CDK6: variants seen among roughly 807,000 people sequenced by gnomAD.
CDK6 encodes cyclin-dependent kinase 6.
In CDK6, 6 loss-of-function variants were observed where a neutral mutation model predicts 37.1. That is an observed-to-expected ratio of 0.16 (90% CI 0.09 to 0.32). The LOEUF (loss-of-function observed/expected upper bound fraction) is 0.32, where lower values mean the gene tolerates loss of function less well. Among genes scored for constraint, CDK6 ranks in the 10% least tolerant of loss-of-function variants. The pLI, the probability that CDK6 is intolerant of heterozygous loss-of-function variation, is 1.00. For synonymous variants in CDK6, 160 were observed against 161.3 expected (o/e 0.99, Z 0.06); for missense variants, 224 against 418.9 (o/e 0.53, Z 4.06).
rs116302730 is a variant in CDK6, at chr7:92,684,071, G to A, written c.538-12536C>T. Among the ~76,000 whole-genome samples, 486 of 152,294 alleles carry A rather than the reference G, an allele frequency of 3.2e-3. 1 individual carries two copies. The highest frequency in any genetic ancestry group is 0.011 in the African/African-American group (458 of 41,558). ...AAGCACAGAAGATGTAATGTACTGC[G>A]CTGAATTAACTTTATCTGTTGTCTT... On this transcript the variant is annotated intron_variant, in intron 4 of 7. Coordinates refer to ENST00000424848, the MANE Select transcript of CDK6 (RefSeq NM_001145306.2).
chr7:92,693,909 G>A (rs1797650458), intron 4 of CDK6, among the ~76,000 whole-genome samples: 1 of 152,184 alleles, frequency 6.6e-6, no homozygotes, highest in Admixed American at 6.5e-5. Context: ...CAGTTACCAG[G>A]TACCCTTGGG....
chr7:92,691,778 A>G (rs1234512889), intron 4 of CDK6, among the ~76,000 whole-genome samples: 2 of 152,206 alleles, frequency 1.3e-5, no homozygotes, highest in Admixed American at 6.5e-5. Flanking sequence ...CTTCAGATGT[A>G]AAGAATGCCT....
intron 3 of CDK6, among the ~76,000 whole-genome samples, chr7:92,770,207 T>C (rs1799676548): frequency 6.6e-6 from 1 of 152,006 alleles, no homozygotes; most frequent in East Asian, 1.9e-4. Flanking sequence ...GGCTGCTTTA[T>C]GCAAATGTCA....
chr7:92,630,924 T>C (rs1796036767), intron 5 of CDK6, among the ~76,000 whole-genome samples: 1 of 152,160 alleles, frequency 6.6e-6, no homozygotes, highest in South Asian at 2.1e-4. Flanking sequence ...ACTGATTAAT[T>C]AGTGAGGCTC....
At chr7:92,789,269 G>C (rs1166931138) in intron 2 of CDK6, among the ~76,000 whole-genome samples, 1 of 152,168 alleles carries the variant, frequency 6.6e-6, no homozygotes, top group Non-Finnish European at 1.5e-5. Flanking sequence ...TTTGCCAATA[G>C]ATCTGCCCTA....
At chr7:92,722,184 CATAG>C (rs1252592343) in intron 4 of CDK6, among the ~76,000 whole-genome samples, 7 of 151,932 alleles carry the variant, frequency 4.6e-5, no homozygotes, top group Admixed American at 4.6e-4. Flanking sequence ...TATATATTAA[CATAG>C]ATAGTAAAAG....
intron 4 of CDK6, among the ~76,000 whole-genome samples, chr7:92,687,866 C>T (rs1797499031): frequency 6.6e-6 from 1 of 152,112 alleles, no homozygotes; most frequent in Non-Finnish European, 1.5e-5. Context: ...TGTTGCTGCT[C>T]CTTGAATTTC....
chr7:92,643,537 T>C lies in CDK6; in HGVS notation c.648-20451A>G, dbSNP rs1796367017. Among the ~76,000 whole-genome samples the C allele has an allele frequency of 5.9e-5, 9 of 152,302 alleles. No homozygotes were observed. The South Asian group carries it at 1.9e-3, about 32-fold the overall frequency. On this transcript the variant is annotated intron_variant, in intron 5 of 7. Coordinates refer to ENST00000424848, the MANE Select transcript of CDK6 (RefSeq NM_001145306.2). ...TTATGAAGAAAATAAGATATGCTGG[T>C]GGAGAATAATAGAAAAAGCCTCTTT... is the stretch of plus-strand genomic sequence containing the variant.
chr7:92,651,335 T>G (rs928488771), intron 5 of CDK6, among the ~76,000 whole-genome samples: 7 of 152,070 alleles, frequency 4.6e-5, no homozygotes, highest in African/African-American at 1.7e-4. Context: ...GTGTTTAGGG[T>G]GTAGATATAT....
chr7:92,618,173 T>G lies in CDK6; in HGVS notation c.733A>C (p.Arg245=), dbSNP rs578237648. Reference sequence around the variant, plus strand: ...GCCTGCCTGGGAAGGGCAACATCTCTAGGCCAGTCTTCTTCTCCTGGGAGT... The same window carrying G: ...GCCTGCCTGGGAAGGGCAACATCTCGAGGCCAGTCTTCTTCTCCTGGGAGT... ...IGLPGEEDWP[R]DVALPRQAFH... Residue 245 remains arginine (R), a synonymous_variant, in exon 7 of 8, where the codon AGA becomes CGA. Coordinates refer to ENST00000424848, the MANE Select transcript of CDK6 (RefSeq NM_001145306.2). 8 of 1,613,976 alleles carry G rather than the reference T, an allele frequency of 5.0e-6. No homozygotes were observed. The highest frequency in any genetic ancestry group is 4.2e-6 in the Non-Finnish European group (5 of 1,179,928).
At chr7:92,755,938 T>A (rs1254909718) in intron 3 of CDK6, among the ~76,000 whole-genome samples, 1 of 152,090 alleles carries the variant, frequency 6.6e-6, no homozygotes, top group Non-Finnish European at 1.5e-5. Context: ...CAAGTGCACA[T>A]ACAAACACAC....
At chr7:92,739,530 T>C (rs1036697908) in intron 3 of CDK6, among the ~76,000 whole-genome samples, 5 of 152,232 alleles carry the variant, frequency 3.3e-5, no homozygotes, top group Non-Finnish European at 7.3e-5. Context: ...TGACAGACAT[T>C]TTAGATTCTT....
chr7:92,672,188 C>CACACAG (rs1797097034), intron 4 of CDK6, among the ~76,000 whole-genome samples: 1 of 96,788 alleles, frequency 1.0e-5, no homozygotes, highest in Non-Finnish European at 2.0e-5. Context: ...CACACAGACA[C>CACACAG]ATACACACAC....
At chr7:92,765,364 T>C (rs1799554673) in intron 3 of CDK6, among the ~76,000 whole-genome samples, 2 of 152,178 alleles carry the variant, frequency 1.3e-5, no homozygotes, top group African/African-American at 2.4e-5. Flanking sequence ...ATATATCTTA[T>C]AGTTTTGGTA....
At chr7:92,763,100 T>C (rs1799497337) in intron 3 of CDK6, among the ~76,000 whole-genome samples, 1 of 152,166 alleles carries the variant, frequency 6.6e-6, no homozygotes, top group African/African-American at 2.4e-5. Flanking sequence ...AATTAACAAG[T>C]ATGGCCAGTG....
intron 3 of CDK6, among the ~76,000 whole-genome samples, chr7:92,772,761 C>T (rs1214209814): frequency 2.6e-5 from 4 of 152,058 alleles, no homozygotes; most frequent in Admixed American, 2.0e-4. Context: ...ATTTCTACTC[C>T]TGCCTGATCA....
At chr7:92,768,534 A>C (rs1250444798) in intron 3 of CDK6, among the ~76,000 whole-genome samples, 1 of 152,204 alleles carries the variant, frequency 6.6e-6, no homozygotes, top group Admixed American at 6.5e-5. Context: ...TTTGCATCAA[A>C]TACCAGGAGA....
rs1795478033 is a variant in CDK6 at position 92,608,362 on chromosome 7, C to T, written c.*6778G>A. 1 of 231,292 alleles carries T rather than the reference C, an allele frequency of 4.3e-6. No individual in the cohort carries two copies. The highest frequency in any genetic ancestry group is 2.2e-5 in the African/African-American group (1 of 45,160). 14.3% of individuals were successfully genotyped at this position (231,292 alleles called of 1,614,324 possible). Reference sequence around the variant, plus strand: ...TGTTTACATACCTTTAATTACCTAACAAAGAAAAAGAGAGAAAAGAAACTG... The same window carrying T: ...TGTTTACATACCTTTAATTACCTAATAAAGAAAAAGAGAGAAAAGAAACTG... On this transcript the variant is annotated 3_prime_UTR_variant, in exon 8 of 8. Transcript: ENST00000424848.
Position 92,609,313 on chromosome 7 carries a change from G to A in CDK6, c.*5827C>T, listed in dbSNP as rs1020706389. On this transcript the variant is annotated 3_prime_UTR_variant, in exon 8 of 8. Transcript: ENST00000424848. ...TCTAAAATTAACTTAATCATTTGGGGTATAAGAAGTCTTTAAGTAGACTTG... is the reference window on the plus strand; with the variant it reads ...TCTAAAATTAACTTAATCATTTGGGATATAAGAAGTCTTTAAGTAGACTTG... 5 of 232,064 alleles carry A rather than the reference G, an allele frequency of 2.2e-5. No homozygotes were observed. Among genetic ancestry groups the A allele is most frequent in the African/African-American group, 1.1e-4 (5 of 45,218 alleles). The allele number at this position is 232,064 out of a possible 1,614,324, so 14.4% of individuals were successfully genotyped here. A position where few individuals can be genotyped will look rare whatever the true frequency, so the allele number is the denominator to read the frequency against.
Sources: allele counts gnomAD v4.1 joint callset (sites outside exome capture counted in the v4.1 genomes callset), GRCh38; gene constraint gnomAD v4.1.1; transcripts MANE v1.5; gene names NCBI Gene and HGNC (gene_info 2026-07-23, HGNC 2026-07-21).